DLG2: variants seen among roughly 807,000 people sequenced by gnomAD.
The protein encoded by DLG2 is discs large MAGUK scaffold protein 2.
In DLG2, 45 loss-of-function variants were observed where a neutral mutation model predicts 132.5. That is an observed-to-expected ratio of 0.34 (90% CI 0.27 to 0.44). The LOEUF (loss-of-function observed/expected upper bound fraction) is 0.44. Ranked by LOEUF, DLG2 falls within the 20% of genes least tolerant of loss-of-function variation. The pLI is 1.00. For missense variants in DLG2, 1,045 were observed against 1,196.9 expected, an observed-to-expected ratio of 0.87 and a Z score of 1.87; for synonymous variants, 424 against 419.6, an observed-to-expected ratio of 1.01 and a Z score of -0.13.
chr11:85,020,497 C>G (rs1424369252), intron 6 of DLG2, among the ~76,000 whole-genome samples: 4 of 152,088 alleles, frequency 2.6e-5, no homozygotes, highest in East Asian at 1.9e-4. Context: ...GGCTTTTGTT[C>G]CCATTGCTTT....
intron 9 of DLG2, among the ~76,000 whole-genome samples, chr11:84,115,757 GTC>G (rs1290317094): frequency 6.6e-6 from 1 of 152,044 alleles, no homozygotes; most frequent in Admixed American, 6.6e-5. Flanking sequence ...ACCACCTTTG[GTC>G]ACTTCCTATC....
At chr11:85,456,716 C>T (rs1299962023) in intron 3 of DLG2, among the ~76,000 whole-genome samples, 1 of 151,988 alleles carries the variant, frequency 6.6e-6, no homozygotes. Context: ...CCATAGTTTC[C>T]CTATTTATCC....
At chr11:84,720,760 A>G (rs1352619117) in intron 6 of DLG2, 1 of 152,242 alleles carries the variant, frequency 6.6e-6, no homozygotes, top group Non-Finnish European at 1.5e-5. Context: ...ATTAGCATGT[A>G]AAAGGATGTG....
At chr11:85,351,812 A>G (rs2083311908) in intron 3 of DLG2, among the ~76,000 whole-genome samples, 1 of 152,216 alleles carries the variant, frequency 6.6e-6, no homozygotes, top group South Asian at 2.1e-4. Flanking sequence ...TCAGTTTGCC[A>G]GTATTTTACA....
Position 84,600,155 on chromosome 11 carries a change from A to AGGAG in DLG2, c.358-65425_358-65424insCTCC, listed in dbSNP as rs1414593061. ...AAGAAAGAAAGAAGGAAAGAAAGAA[A>AGGAG]GAAGGAAAGAAAGAAAGAAAGAAAG... is the stretch of plus-strand genomic sequence containing the variant. On this transcript the variant is annotated intron_variant, in intron 6 of 27. Coordinates refer to ENST00000376104, the MANE Select transcript of DLG2 (RefSeq NM_001142699.3). 9.0e-3 allele frequency among the ~76,000 whole-genome samples: 786 copies of AGGAG among 87,270 alleles called. 5 individuals carry two copies. Among genetic ancestry groups the AGGAG allele is most frequent in the Non-Finnish European group, 0.013 (589 of 44,018 alleles). The allele number at this position is 87,270 out of a possible 152,430, so 57.3% of individuals were successfully genotyped here.
intron 11 of DLG2, among the ~76,000 whole-genome samples, chr11:84,050,765 T>C (rs527293439): frequency 6.6e-6 from 1 of 152,158 alleles, no homozygotes; most frequent in African/African-American, 2.4e-5. Context: ...CACCATTTAT[T>C]AAATAGGGAA....
intron 6 of DLG2, among the ~76,000 whole-genome samples, chr11:84,783,333 C>T (rs552052063): frequency 1.3e-5 from 2 of 151,804 alleles, no homozygotes; most frequent in Non-Finnish European, 2.9e-5. Context: ...TTTCTAAGAT[C>T]CCTTTCAGTT....
chr11:84,227,282 C>G (rs1261133821), intron 8 of DLG2, among the ~76,000 whole-genome samples: 1 of 151,652 alleles, frequency 6.6e-6, no homozygotes, highest in Non-Finnish European at 1.5e-5. Context: ...AAAATTAGTG[C>G]AAAAGCATAC....
chr11:84,790,712 G>A (rs905209966), intron 6 of DLG2, among the ~76,000 whole-genome samples: 1 of 152,188 alleles, frequency 6.6e-6, no homozygotes, highest in Non-Finnish European at 1.5e-5. Flanking sequence ...TAGTTGCAAA[G>A]ACTGAGGTCT....
Position 84,723,979 on chromosome 11 carries a change from T to C in DLG2, c.358-189248A>G, listed in dbSNP as rs11234144. 1.7e-3 allele frequency among the ~76,000 whole-genome samples: 264 copies of C among 152,326 alleles called. 1 individual carries two copies. Among genetic ancestry groups the C allele is most frequent in the African/African-American group, 5.9e-3 (244 of 41,580 alleles). On this transcript the variant is annotated intron_variant, in intron 6 of 27. Transcript: ENST00000376104. ...TTTGATCTTGTATTTATTATTGTTATACTTAATCAGAAACTGGGACACAGT... is the reference window on the plus strand; with the variant it reads ...TTTGATCTTGTATTTATTATTGTTACACTTAATCAGAAACTGGGACACAGT...
intron 25 of DLG2, among the ~76,000 whole-genome samples, chr11:83,467,765 C>CTA (rs1565338244): frequency 1.0e-5 from 1 of 98,982 alleles, no homozygotes; most frequent in Non-Finnish European, 2.0e-5. Context: ...AAAATAAAAA[C>CTA]TATATGTATA....
chr11:84,378,316 G>A (rs927459461), intron 7 of DLG2, among the ~76,000 whole-genome samples: 2 of 152,146 alleles, frequency 1.3e-5, no homozygotes, highest in Non-Finnish European at 2.9e-5. Context: ...TGAGGACACA[G>A]TGAGAAGGCA....
At chr11:84,954,834 T>C (rs960581908) in intron 6 of DLG2, among the ~76,000 whole-genome samples, 1 of 152,188 alleles carries the variant, frequency 6.6e-6, no homozygotes, top group African/African-American at 2.4e-5. Flanking sequence ...AATTAATAAG[T>C]ATACGCTAGG....
At chr11:84,353,135 T>G (rs1235446448) in intron 7 of DLG2, among the ~76,000 whole-genome samples, 1 of 152,186 alleles carries the variant, frequency 6.6e-6, no homozygotes, top group African/African-American at 2.4e-5. Context: ...TTTTCTCTAC[T>G]CTCTCCATTT....
At chr11:84,545,382 T>C (rs1592028922) in intron 6 of DLG2, 5 of 519,670 alleles carry the variant, frequency 9.6e-6, no homozygotes, top group Middle Eastern at 6.3e-4. Context: ...ACTGCCACCA[T>C]ATCCACAACC....
chr11:83,471,042 A>G (rs938317679), intron 24 of DLG2, among the ~76,000 whole-genome samples: 5 of 152,058 alleles, frequency 3.3e-5, no homozygotes, highest in Admixed American at 6.6e-5. Context: ...TAAGGCTACA[A>G]TCAGAGGGAC....
chr11:85,527,949 G>A (rs973635760), intron 3 of DLG2, among the ~76,000 whole-genome samples: 3 of 152,204 alleles, frequency 2.0e-5, no homozygotes, highest in African/African-American at 7.2e-5. Flanking sequence ...AATGACCAGT[G>A]ATGATGAGCT....
chr11:84,321,648 C>T (rs565889240), intron 7 of DLG2, among the ~76,000 whole-genome samples: 1 of 152,308 alleles, frequency 6.6e-6, no homozygotes, highest in South Asian at 2.1e-4. Flanking sequence ...ACTCACCCTT[C>T]TGTAGGCTGC....
chr11:85,594,653 A>G (rs2079603048), intron 3 of DLG2, among the ~76,000 whole-genome samples: 1 of 152,232 alleles, frequency 6.6e-6, no homozygotes, highest in Non-Finnish European at 1.5e-5. Flanking sequence ...CATTTGTGTT[A>G]CATATCTAAA....
Sources: allele counts gnomAD v4.1 joint callset (sites outside exome capture counted in the v4.1 genomes callset), GRCh38; gene constraint gnomAD v4.1.1; transcripts MANE v1.5; gene names NCBI Gene and HGNC (gene_info 2026-07-23, HGNC 2026-07-21).